The following ZFAT variants were observed in gnomAD, a reference collection of about 807,000 sequenced individuals.
ZFAT encodes zinc finger protein ZFAT.
ZFAT carries 64 observed loss-of-function variants against 117.7 expected under a neutral mutation model. That is an observed-to-expected ratio of 0.54 (90% confidence interval 0.44 to 0.67). The LOEUF is 0.67. ZFAT is among the 30% of genes least tolerant of loss of function. The pLI is 0.00. For synonymous variants in ZFAT, 679 were observed against 615.0 expected, an observed-to-expected ratio of 1.10 and a Z score of -1.54; for missense variants, 1,433 against 1,584.5, an observed-to-expected ratio of 0.90 and a Z score of 1.62.
At chr8:134,757,493 C>A in the ZFAT span, among the ~76,000 whole-genome samples, 1 of 152,124 alleles carries the variant, frequency 6.6e-6, no homozygotes, top group Non-Finnish European at 1.5e-5. Context: ...TGCTGGCCAG[C>A]TGGCATGGAA....
At chr8:134,639,698 G>A (rs1009773633) in intron 2 of ZFAT, 12 of 456,172 alleles carry the variant, frequency 2.6e-5, no homozygotes, top group Non-Finnish European at 5.3e-5. Context: ...TCACAACAAC[G>A]TGTACTTGCA....
At chr8:134,503,819 A>G (rs1246652482) in intron 15 of ZFAT, among the ~76,000 whole-genome samples, 2 of 152,104 alleles carry the variant, frequency 1.3e-5, no homozygotes, top group Non-Finnish European at 2.9e-5. Context: ...TTGGAGTCAC[A>G]CCATTGGCTC....
chr8:134,520,554 A>T (rs748715295), intron 13 of ZFAT, among the ~76,000 whole-genome samples: 6 of 152,136 alleles, frequency 3.9e-5, no homozygotes, highest in Non-Finnish European at 8.8e-5. Context: ...ATGGCAATAC[A>T]ATAGAATCCT....
At chr8:134,773,659 T>C in the ZFAT span, among the ~76,000 whole-genome samples, 1 of 152,240 alleles carries the variant, frequency 6.6e-6, no homozygotes, top group African/African-American at 2.4e-5. Context: ...GGTCAAAACA[T>C]TAACAGGAAT....
chr8:134,608,919 C>A, intron 4 of ZFAT, 40 bp from the exon 5 acceptor site: 1 of 1,583,318 alleles, frequency 6.3e-7, no homozygotes, highest in South Asian at 1.2e-5. Flanking sequence ...TGAGAGGCAT[C>A]GAAAGTGGGC....
At chr8:134,530,097 T>C (rs1156630432) in intron 12 of ZFAT, among the ~76,000 whole-genome samples, 1 of 152,228 alleles carries the variant, frequency 6.6e-6, no homozygotes, top group Admixed American at 6.5e-5. Flanking sequence ...GCTTTGCACA[T>C]GTCACAGTGT....
chr8:134,702,683 T>C (rs893951966), intron 1 of ZFAT, among the ~76,000 whole-genome samples: 2 of 151,904 alleles, frequency 1.3e-5, no homozygotes, highest in Non-Finnish European at 2.9e-5. Flanking sequence ...TTTTTTCTTT[T>C]TTTTTTGAGA....
chr8:134,691,796 T>C (rs1406958909), intron 1 of ZFAT, among the ~76,000 whole-genome samples: 1 of 152,224 alleles, frequency 6.6e-6, no homozygotes, highest in East Asian at 1.9e-4. Context: ...ATCATCAATA[T>C]CATTTAATTC....
chr8:134,804,788 G>A, the ZFAT span: 1 of 492,456 alleles, frequency 2.0e-6, no homozygotes, highest in Non-Finnish European at 4.2e-6. Context: ...TGCAGCTAAA[G>A]ATTTCTGAGG....
chr8:134,796,070 G>A, the ZFAT span: 1 of 152,236 alleles, frequency 6.6e-6, no homozygotes, highest in African/African-American at 2.4e-5. Context: ...CCTGGAGAAG[G>A]CACAGAAGCT....
chr8:134,777,605 A>C, the ZFAT span, among the ~76,000 whole-genome samples: 92 of 152,298 alleles, frequency 6.0e-4, no homozygotes, highest in African/African-American at 2.0e-3. Context: ...GACATAGTAG[A>C]TGCTATTTAA....
At chr8:134,490,077 G>A (rs568402228) in intron 15 of ZFAT, among the ~76,000 whole-genome samples, 10 of 152,272 alleles carry the variant, frequency 6.6e-5, no homozygotes, top group African/African-American at 1.2e-4. Flanking sequence ...GCCAGGCCAC[G>A]CTATTTCTCA....
intron 11 of ZFAT, among the ~76,000 whole-genome samples, chr8:134,550,611 G>T (rs2130695738): frequency 6.6e-6 from 1 of 152,280 alleles, no homozygotes; most frequent in African/African-American, 2.4e-5. Flanking sequence ...TATCGCTTGT[G>T]TCAAAAATGC....
chr8:134,693,176 A>C (rs1833667308), intron 1 of ZFAT, among the ~76,000 whole-genome samples: 1 of 152,174 alleles, frequency 6.6e-6, no homozygotes, highest in South Asian at 2.1e-4. Context: ...TCTAAATGCC[A>C]CTCTCCACTA....
At chr8:134,781,571 ATTT>A in the ZFAT span, among the ~76,000 whole-genome samples, 13 of 150,168 alleles carry the variant, frequency 8.7e-5, no homozygotes, top group African/African-American at 3.3e-4. Flanking sequence ...AGATTTTTTT[ATTT>A]TTAAGAAAAT....
the ZFAT span, among the ~76,000 whole-genome samples, chr8:134,803,434 G>T: frequency 6.6e-6 from 1 of 152,096 alleles, no homozygotes; most frequent in Non-Finnish European, 1.5e-5. Context: ...AAAACAGAGG[G>T]CCACAGAATA....
the ZFAT span, among the ~76,000 whole-genome samples, chr8:134,787,003 T>G: frequency 2.6e-5 from 4 of 152,148 alleles, no homozygotes; most frequent in African/African-American, 9.6e-5. Flanking sequence ...TGCATGCCAC[T>G]GCACCCAGTT....
chr8:134,519,098 A>C (rs1320405047), intron 13 of ZFAT, among the ~76,000 whole-genome samples: 1 of 152,190 alleles, frequency 6.6e-6, no homozygotes, highest in East Asian at 1.9e-4. Context: ...TTTCCTAGTT[A>C]ATTGTACTTA....
chr8:134,728,198 A>C, the ZFAT span, among the ~76,000 whole-genome samples: 1 of 151,246 alleles, frequency 6.6e-6, no homozygotes, highest in Non-Finnish European at 1.5e-5. Flanking sequence ...GACTCTTCAC[A>C]ACTGACTGGT....
Sources: allele counts gnomAD v4.1 joint callset (sites outside exome capture counted in the v4.1 genomes callset), GRCh38; gene constraint gnomAD v4.1.1; transcripts MANE v1.5; gene names NCBI Gene and HGNC (gene_info 2026-07-23, HGNC 2026-07-21).